The following ADAMTS6 variants were observed in gnomAD, a reference collection of about 807,000 sequenced individuals.
The protein encoded by ADAMTS6 is A disintegrin and metalloproteinase with thrombospondin motifs 6.
A neutral mutation model predicts 144.3 loss-of-function variants in ADAMTS6; 23 were observed. That is an observed-to-expected ratio of 0.16 (90% CI 0.11 to 0.23). ADAMTS6 has a LOEUF of 0.23. Among genes scored for constraint, ADAMTS6 ranks in the 10% least tolerant of loss-of-function variants. The pLI, the probability that ADAMTS6 is intolerant of heterozygous loss-of-function variation, is 1.00. For synonymous variants in ADAMTS6, 444 were observed against 457.5 expected (o/e 0.97, Z 0.38); for missense variants, 999 against 1,379.6 (o/e 0.72, Z 4.37).
At chr5:65,224,894 T>G (rs1243137047) in intron 17 of ADAMTS6, 30 bp downstream of exon 17, 3 of 1,591,138 alleles carry the variant, frequency 1.9e-6, no homozygotes, top group Non-Finnish European at 2.6e-6. Flanking sequence ...ACACCAGAGG[T>G]GTGAGGAAGA....
At chr5:65,480,800 T>A (rs1761146534) in intron 1 of ADAMTS6, among the ~76,000 whole-genome samples, 1 of 152,134 alleles carries the variant, frequency 6.6e-6, no homozygotes, top group South Asian at 2.1e-4. Context: ...CACGTTTCCA[T>A]CTCTTTGATT....
chr5:65,452,102 A>T, intron 6 of ADAMTS6, 31 bp downstream of exon 6: 2 of 1,549,640 alleles, frequency 1.3e-6, no homozygotes, highest in Non-Finnish European at 1.8e-6. Context: ...TCTGTTAACA[A>T]TCTTAGATAT....
At chr5:65,445,042 C>A (rs1758161165) in intron 7 of ADAMTS6, among the ~76,000 whole-genome samples, 1 of 152,032 alleles carries the variant, frequency 6.6e-6, no homozygotes, top group Non-Finnish European at 1.5e-5. Flanking sequence ...TCCATAAAAC[C>A]AATATAAATA....
chr5:65,373,538 C>G (rs1183097621), intron 7 of ADAMTS6, among the ~76,000 whole-genome samples: 2 of 151,588 alleles, frequency 1.3e-5, no homozygotes, highest in African/African-American at 4.8e-5. Context: ...GACACATACA[C>G]TCTCCCAAGA....
At chr5:65,463,194 GA>G (rs1227238295) in intron 3 of ADAMTS6, among the ~76,000 whole-genome samples, 1 of 151,420 alleles carries the variant, frequency 6.6e-6, no homozygotes, top group African/African-American at 2.4e-5. Context: ...AGAAGTGAGA[GA>G]ATTATACAAA....
intron 9 of ADAMTS6, among the ~76,000 whole-genome samples, chr5:65,308,471 TAATC>T (rs1744159192): frequency 6.6e-6 from 1 of 152,008 alleles, no homozygotes; most frequent in African/African-American, 2.4e-5. Flanking sequence ...AACTGGCTGG[TAATC>T]AATTTTTTTC....
intron 7 of ADAMTS6, among the ~76,000 whole-genome samples, chr5:65,373,254 A>G (rs1305675451): frequency 6.6e-6 from 1 of 151,156 alleles, no homozygotes; most frequent in Non-Finnish European, 1.5e-5. Flanking sequence ...AAATAACTAA[A>G]ATCAGAGCAG....
Position 65,460,142 on chromosome 5 carries a change from G to A in ADAMTS6, c.631+28C>T, listed in dbSNP as rs199889710. Reference sequence around the variant, plus strand: ...AAAAAGCAGCAATCCAGTACAATACGCTTTGTAAAAGCTGCACACTCACTC... The same window carrying A: ...AAAAAGCAGCAATCCAGTACAATACACTTTGTAAAAGCTGCACACTCACTC... On this transcript the variant is annotated intron_variant, in intron 4 of 24. Transcript: ENST00000381055. The A allele has an allele frequency of 2.0e-5, 33 of 1,611,260 alleles. No individual in the cohort carries two copies. In the Middle Eastern group the frequency reaches 5.0e-4, roughly 24 times the overall value.
intron 4 of ADAMTS6, among the ~76,000 whole-genome samples, chr5:65,458,096 C>T (rs950494408): frequency 8.5e-5 from 13 of 152,160 alleles, no homozygotes; most frequent in East Asian, 7.7e-4. Context: ...ATAAGATAAA[C>T]TTATTTCCAT....
chr5:65,289,259 G>A (rs997143919), intron 11 of ADAMTS6, among the ~76,000 whole-genome samples: 3 of 152,174 alleles, frequency 2.0e-5, no homozygotes, highest in Non-Finnish European at 4.4e-5. Flanking sequence ...GGCAAGCCAC[G>A]CATGGTGGCT....
At chr5:65,308,156 C>T (rs1382874464) in intron 9 of ADAMTS6, among the ~76,000 whole-genome samples, 4 of 152,092 alleles carry the variant, frequency 2.6e-5, no homozygotes, top group African/African-American at 9.7e-5. Flanking sequence ...GGGAACTAGA[C>T]CAACTTCGAA....
chr5:65,246,359 T>G (rs544617625), intron 14 of ADAMTS6, among the ~76,000 whole-genome samples: 1 of 152,200 alleles, frequency 6.6e-6, no homozygotes, highest in South Asian at 2.1e-4. Flanking sequence ...CTTCTCATTT[T>G]AGCAAGTATT....
chr5:65,411,003 AATTTTTTGC>A (rs1385065101), intron 7 of ADAMTS6, among the ~76,000 whole-genome samples: 3 of 151,936 alleles, frequency 2.0e-5, no homozygotes, highest in African/African-American at 7.3e-5. Flanking sequence ...ACGCTCAGCT[AATTTTTTGC>A]ATTTTTTGTA....
chr5:65,426,837 CT>C (rs1184792659), intron 7 of ADAMTS6, among the ~76,000 whole-genome samples: 2 of 151,870 alleles, frequency 1.3e-5, no homozygotes, highest in African/African-American at 2.4e-5. Context: ...AAATCTAATG[CT>C]GCAAAACATC....
chr5:65,170,867 G>T (rs1014667100), intron 23 of ADAMTS6, 94 bp from the exon 24 acceptor site: 1 of 1,357,172 alleles, frequency 7.4e-7, no homozygotes, highest in Non-Finnish European at 1.0e-6. Flanking sequence ...AACACAATAT[G>T]AACTTTTTTT....
intron 14 of ADAMTS6, among the ~76,000 whole-genome samples, chr5:65,253,894 C>A (rs112259653): frequency 0.02 from 2,600 of 127,452 alleles, 68 homozygotes; most frequent in African/African-American, 0.07. Context: ...GTGATGCGAT[C>A]TCGGCTCACT....
At chr5:65,302,083 C>A (rs1237339281) in intron 9 of ADAMTS6, among the ~76,000 whole-genome samples, 1 of 115,430 alleles carries the variant, frequency 8.7e-6, no homozygotes, top group East Asian at 2.3e-4. Flanking sequence ...CAGAGCAAGG[C>A]TCTGTCTCCA....
chr5:65,160,948 G>A (rs1265773842), intron 24 of ADAMTS6, among the ~76,000 whole-genome samples: 4 of 152,094 alleles, frequency 2.6e-5, no homozygotes, highest in African/African-American at 9.7e-5. Context: ...CACCATGCCC[G>A]GCCTCTTTTC....
At chr5:65,177,190 G>A (rs143767275) in intron 22 of ADAMTS6, among the ~76,000 whole-genome samples, 2,536 of 152,226 alleles carry the variant, frequency 0.017, 46 homozygotes, top group Non-Finnish European at 0.021. Context: ...CATCACACCC[G>A]AGTCAAAGCG....
Sources: gnomAD v4.1 joint callset for allele counts (sites outside exome capture counted in the v4.1 genomes callset) on GRCh38, gnomAD v4.1.1 for gene constraint, MANE v1.5 for transcripts, NCBI Gene and HGNC (gene_info 2026-07-23, HGNC 2026-07-21) for gene names.